TOP1: variants seen among roughly 807,000 people sequenced by gnomAD.
The protein encoded by TOP1 is DNA topoisomerase 1.
Under a neutral mutation model 111.1 loss-of-function variants are expected in TOP1, and 10 were observed. The ratio of observed to expected loss-of-function variants is 0.09; its 90% confidence interval spans 0.06 to 0.15. The LOEUF (loss-of-function observed/expected upper bound fraction) is 0.15, where lower values mean the gene tolerates loss of function less well. Among genes scored for constraint, TOP1 ranks in the 10% least tolerant of loss-of-function variants. The pLI is 1.00. For missense variants in TOP1, 474 were observed against 926.7 expected (o/e 0.51, Z 6.34); for synonymous variants, 271 against 302.9 (o/e 0.89, Z 1.10).
Position 41,029,292 on chromosome 20 carries a change from G to T in TOP1, c.34-139G>T, listed in dbSNP as rs556687116. 2.4e-6 allele frequency: 2 copies of T among 823,042 alleles called. No individual in the cohort carries two copies. The highest frequency in any genetic ancestry group is 3.1e-5 in the East Asian group (1 of 32,076). The allele number at this position is 823,042 out of a possible 1,614,324, so 51.0% of individuals were successfully genotyped here. ...CCGCGAAGTTACAGTTCGAGGCAGG[G>T]ATGGCTGCCCTCTGTGGCCACCCCC... On this transcript the variant is annotated intron_variant, in intron 1 of 20. Coordinates refer to ENST00000361337, the MANE Select transcript of TOP1 (RefSeq NM_003286.4). This position sits in a 1 kb window ranked among gnomAD's most constrained non-coding sequence, Gnocchi z 6.1.
In TOP1 at chr20:41,101,379, T is replaced by C. The variant is rs1411012251; in HGVS notation, c.1308+26T>C. ...GTAAGGGGATAGTTGAGAGCTGCAC[T>C]GGTTCATGGTGCTGATAACCTTTTT... On this transcript the variant is annotated intron_variant, in intron 13 of 20. Coordinates refer to ENST00000361337, the MANE Select transcript of TOP1 (RefSeq NM_003286.4). The surrounding 1 kb of genome is among the most constrained non-coding windows in gnomAD (Gnocchi z 4.1). 1.2e-6 allele frequency: 2 copies of C among 1,602,392 alleles called. No homozygotes were observed. Among genetic ancestry groups the C allele is most frequent in the Non-Finnish European group, 1.7e-6 (2 of 1,171,142 alleles).
In TOP1 at chr20:41,112,666, C is replaced by T. The variant is rs1046000518; in HGVS notation, c.1309-116C>T. 3 of 1,136,262 alleles carry T rather than the reference C, an allele frequency of 2.6e-6. No homozygotes were observed. Among genetic ancestry groups the T allele is most frequent in the African/African-American group, 3.1e-5 (2 of 64,752 alleles). The allele number at this position is 1,136,262 out of a possible 1,614,324, so 70.4% of individuals were successfully genotyped here. A position where few individuals can be genotyped will look rare whatever the true frequency, so the allele number is the denominator to read the frequency against. ...CGTTCAAGCAATTCTTGTGTCTTAG[C>T]CTCCCTATTAGCTAGCTGGGATTAT... On this transcript the variant is annotated intron_variant, in intron 13 of 20. Coordinates refer to ENST00000361337, the MANE Select transcript of TOP1 (RefSeq NM_003286.4). The surrounding 1 kb of genome is among the most constrained non-coding windows in gnomAD (Gnocchi z 5.8).
At position 41,094,699 on chromosome 20, in the gene TOP1, A is replaced by T. The variant is rs1429808328; in HGVS notation, c.730+2112A>T. 6.6e-6 allele frequency among the ~76,000 whole-genome samples: 1 copy of T among 152,164 alleles called. No individual in the cohort carries two copies. The highest frequency in any genetic ancestry group is 1.5e-5 in the Non-Finnish European group (1 of 68,030). The stretch of plus-strand genomic sequence containing the variant: ...AGAAGTCATATTTGACTTTACTTCA[A>T]ACTGATACAGTAAGTGCTGCCTACT... On this transcript the variant is annotated intron_variant, in intron 9 of 20. Coordinates refer to ENST00000361337, the MANE Select transcript of TOP1 (RefSeq NM_003286.4). This position sits in a 1 kb window ranked among gnomAD's most constrained non-coding sequence, Gnocchi z 4.4.
intron 8 of TOP1, among the ~76,000 whole-genome samples, chr20:41,089,047 CAG>C (rs1413905028): frequency 5.6e-5 from 2 of 35,844 alleles, no homozygotes; most frequent in Non-Finnish European, 8.9e-5. Context: ...TTTTTTGAGA[CAG>C]AGTCTCGCTC....
chr20:41,117,014 A>G (rs553219131), intron 17 of TOP1, among the ~76,000 whole-genome samples: 1 of 152,304 alleles, frequency 6.6e-6, no homozygotes, highest in South Asian at 2.1e-4. Flanking sequence ...CTATACAAAT[A>G]AAAACAATTT....
chr20:41,081,763 T>G (rs1353654768), intron 7 of TOP1, among the ~76,000 whole-genome samples: 3 of 152,210 alleles, frequency 2.0e-5, no homozygotes, highest in Non-Finnish European at 4.4e-5. Flanking sequence ...CTTCTCTAGC[T>G]TACTTGTACC....
chr20:41,061,384 A>T lies in TOP1; in HGVS notation c.59-10A>T, dbSNP rs765154020. The T allele has an allele frequency of 8.1e-6, 13 of 1,613,226 alleles. No individual in the cohort carries two copies. The African/African-American group carries it at 1.6e-4, about 20-fold the overall frequency. On this transcript the variant is annotated splice_polypyrimidine_tract_variant and intron_variant, in intron 2 of 20. Coordinates refer to ENST00000361337, the MANE Select transcript of TOP1 (RefSeq NM_003286.4). The surrounding 1 kb of genome is among the most constrained non-coding windows in gnomAD (Gnocchi z 4.6). ...ACTCCTGTTAACTGACTCATCTCTT[A>T]TGGTTGCAGATTCTCATAAACACAA...
chr20:41,061,776 A>G lies in TOP1; in HGVS notation c.155+286A>G, dbSNP rs561579331. Reference sequence around the variant, plus strand: ...GATAGGTAAGGATTCATTGTGACACATGATGGCATTTAATCAAGTCTGTAG... The same window carrying G: ...GATAGGTAAGGATTCATTGTGACACGTGATGGCATTTAATCAAGTCTGTAG... On this transcript the variant is annotated intron_variant, in intron 3 of 20. Coordinates refer to ENST00000361337, the MANE Select transcript of TOP1 (RefSeq NM_003286.4). The surrounding 1 kb of genome is among the most constrained non-coding windows in gnomAD (Gnocchi z 4.6). 3.3e-5 allele frequency among the ~76,000 whole-genome samples: 5 copies of G among 152,354 alleles called. No homozygotes were observed. In the South Asian group the frequency reaches 8.3e-4, roughly 25 times the overall value.
chr20:41,039,403 C>G (rs1181962684), intron 2 of TOP1, among the ~76,000 whole-genome samples: 1 of 152,060 alleles, frequency 6.6e-6, no homozygotes, highest in East Asian at 1.9e-4. Context: ...GAGTTTTTCC[C>G]CCCTTAAAGA....
In TOP1 at chr20:41,095,363, G is replaced by A. The variant is rs546311642; in HGVS notation, c.731-1857G>A. 1.3e-5 allele frequency among the ~76,000 whole-genome samples: 2 copies of A among 151,756 alleles called. No individual in the cohort carries two copies. Among genetic ancestry groups the A allele is most frequent in the African/African-American group, 4.8e-5 (2 of 41,510 alleles). On this transcript the variant is annotated intron_variant, in intron 9 of 20. Transcript: ENST00000361337. The surrounding 1 kb of genome is among the most constrained non-coding windows in gnomAD (Gnocchi z 4.6). ...GCTCAGCCACATTTTTTTTTAAATGGTGTTAACAGTTTACATTTTTTTCTT... is the reference window on the plus strand; with the variant it reads ...GCTCAGCCACATTTTTTTTTAAATGATGTTAACAGTTTACATTTTTTTCTT...
intron 13 of TOP1, among the ~76,000 whole-genome samples, chr20:41,105,363 C>A (rs17264369): frequency 0.13 from 19,570 of 152,210 alleles, 1,449 homozygotes; most frequent in Non-Finnish European, 0.15. Flanking sequence ...TTACTGGGAT[C>A]ATTCTGCAAC....
chr20:41,040,861 A>G (rs1239152551), intron 2 of TOP1, among the ~76,000 whole-genome samples: 1 of 151,706 alleles, frequency 6.6e-6, no homozygotes, highest in Non-Finnish European at 1.5e-5. Flanking sequence ...TATTTCTTAT[A>G]CCCTGGAATG....
chr20:41,045,725 T>G (rs532690597), intron 2 of TOP1, among the ~76,000 whole-genome samples: 1 of 152,354 alleles, frequency 6.6e-6, no homozygotes, highest in Non-Finnish European at 1.5e-5. Flanking sequence ...TGTTAAATTG[T>G]TATCAGTAAT....
Position 41,092,422 on chromosome 20 carries a change from C to A in TOP1, c.615-50C>A. On this transcript the variant is annotated intron_variant, in intron 8 of 20. Coordinates refer to ENST00000361337, the MANE Select transcript of TOP1 (RefSeq NM_003286.4). The surrounding 1 kb of genome is among the most constrained non-coding windows in gnomAD (Gnocchi z 4.3). ...TTGGCATTTAATCAGTGATGATCCC[C>A]ATGTTAGACAAGGCGATCACTAAAT... The A allele has an allele frequency of 1.1e-6, 1 of 878,974 alleles. No individual in the cohort carries two copies. Among genetic ancestry groups the A allele is most frequent in the Non-Finnish European group, 1.8e-6 (1 of 562,746 alleles). The allele number at this position is 878,974 out of a possible 1,614,324, so 54.4% of individuals were successfully genotyped here.
At chr20:41,041,861 C>T (rs2033269745) in intron 2 of TOP1, among the ~76,000 whole-genome samples, 1 of 151,736 alleles carries the variant, frequency 6.6e-6, no homozygotes, top group Non-Finnish European at 1.5e-5. Context: ...CGATACTCCA[C>T]AGGTTAAGGT....
chr20:41,046,467 A>T lies in TOP1; in HGVS notation c.59-14927A>T, dbSNP rs1385325100. Among the ~76,000 whole-genome samples, 1 of 152,204 alleles carries T rather than the reference A, an allele frequency of 6.6e-6. No homozygotes were observed. Among genetic ancestry groups the T allele is most frequent in the African/African-American group, 2.4e-5 (1 of 41,452 alleles). On this transcript the variant is annotated intron_variant, in intron 2 of 20. Transcript: ENST00000361337. This position sits in a 1 kb window ranked among gnomAD's most constrained non-coding sequence, Gnocchi z 4.3. Reference sequence around the variant, plus strand: ...ATTCTGGGCTGTGGTGGAATTACCCATCAGACTGGGGGCGCCCATCTCTTC... The same window carrying T: ...ATTCTGGGCTGTGGTGGAATTACCCTTCAGACTGGGGGCGCCCATCTCTTC...
chr20:41,080,344 G>T lies in TOP1; in HGVS notation c.431+164G>T, dbSNP rs2033774993. ...TGATTTCTCTGAACTATGAGAAGTAGAGTTTGCTAAACAAGTAGTATACCC... is the reference window on the plus strand; with the variant it reads ...TGATTTCTCTGAACTATGAGAAGTATAGTTTGCTAAACAAGTAGTATACCC... On this transcript the variant is annotated intron_variant, in intron 6 of 20. Coordinates refer to ENST00000361337, the MANE Select transcript of TOP1 (RefSeq NM_003286.4). The surrounding 1 kb of genome is among the most constrained non-coding windows in gnomAD (Gnocchi z 5.0). 6.6e-6 allele frequency among the ~76,000 whole-genome samples: 1 copy of T among 152,124 alleles called. No individual in the cohort carries two copies. Among genetic ancestry groups the T allele is most frequent in the South Asian group, 2.1e-4 (1 of 4,824 alleles).
chr20:41,113,715 C>CAAAAAAA (rs987087793), intron 14 of TOP1, among the ~76,000 whole-genome samples: 14 of 103,604 alleles, frequency 1.4e-4, no homozygotes, highest in Non-Finnish European at 2.4e-4. Context: ...ACTAAAAATA[C>CAAAAAAA]AAAAAAAAAA....
chr20:41,108,929 G>GT (rs1026704608), intron 13 of TOP1, among the ~76,000 whole-genome samples: 12 of 152,294 alleles, frequency 7.9e-5, no homozygotes, highest in Admixed American at 7.2e-4. Context: ...TAAAATTCAG[G>GT]TTTTTTCAAA....
Sources: gnomAD v4.1 joint callset for allele counts (sites outside exome capture counted in the v4.1 genomes callset) on GRCh38, gnomAD v4.1.1 for gene constraint, Gnocchi (gnomAD v3.1) non-coding constraint, MANE v1.5 for transcripts, NCBI Gene and HGNC (gene_info 2026-07-23, HGNC 2026-07-21) for gene names.